The following SEMA7A variants were observed in gnomAD, a reference collection of about 807,000 sequenced individuals.
SEMA7A encodes semaphorin-7A.
In SEMA7A, 21 loss-of-function variants were observed where a neutral mutation model predicts 67.5. The ratio of observed to expected loss-of-function variants is 0.31; its 90% CI spans 0.22 to 0.45. The LOEUF is 0.45. SEMA7A is among the 20% of genes least tolerant of loss of function. The pLI is 1.00. For synonymous variants in SEMA7A, 364 were observed against 368.5 expected (o/e 0.99, Z 0.14); for missense variants, 774 against 908.6 (o/e 0.85, Z 1.90).
rs1289888640 is a variant in SEMA7A at position 74,423,914 on chromosome 15, C to G, written c.179-4962G>C. Among the ~76,000 whole-genome samples the G allele has an allele frequency of 6.6e-6, 1 of 152,204 alleles. No homozygotes were observed. Among genetic ancestry groups the G allele is most frequent in the East Asian group, 1.9e-4 (1 of 5,202 alleles). Reference sequence around the variant, plus strand: ...TGGTTGCAGGTGGGTCCTGGCAACTCTCAGGCAGGGTTAGGTTCTAGATTA... The same window carrying G: ...TGGTTGCAGGTGGGTCCTGGCAACTGTCAGGCAGGGTTAGGTTCTAGATTA... On this transcript the variant is annotated intron_variant, in intron 1 of 13. Transcript: ENST00000261918. The surrounding 1 kb of genome is among the most constrained non-coding windows in gnomAD (Gnocchi z 4.1).
In SEMA7A at chr15:74,414,238, A is replaced by G. The variant is rs1009349776; in HGVS notation, c.1294+309T>C. On this transcript the variant is annotated intron_variant, in intron 10 of 13. Transcript: ENST00000261918. This position sits in a 1 kb window ranked among gnomAD's most constrained non-coding sequence, Gnocchi z 4.1. Reference sequence around the variant, plus strand: ...CTCATTTGCCACGTCTCTTCCTACCATCTTCTTCCCTGAGTCAGACATCTG... The same window carrying G: ...CTCATTTGCCACGTCTCTTCCTACCGTCTTCTTCCCTGAGTCAGACATCTG... Among the ~76,000 whole-genome samples, 1 of 152,050 alleles carries G rather than the reference A, an allele frequency of 6.6e-6. No individual in the cohort carries two copies. Among genetic ancestry groups the G allele is most frequent in the Non-Finnish European group, 1.5e-5 (1 of 67,996 alleles).
chr15:74,421,561 G>A (rs2061000404), intron 1 of SEMA7A, among the ~76,000 whole-genome samples: 1 of 152,190 alleles, frequency 6.6e-6, no homozygotes, highest in Non-Finnish European at 1.5e-5. Flanking sequence ...TCTGTTCTTG[G>A]TGATGCGTAT....
rs956293023 is a variant in SEMA7A at position 74,409,431 on chromosome 15, C to T, written c.*1193G>A. On this transcript the variant is annotated 3_prime_UTR_variant, in exon 14 of 14. Coordinates refer to ENST00000261918, the MANE Select transcript of SEMA7A (RefSeq NM_003612.5). ...CAGCCGGAGAAGGGCCCAGCTCCCC[C>T]CTGAAATGGATGGACAGGGCTGGGG... The T allele has an allele frequency of 2.0e-5, 3 of 152,320 alleles. No homozygotes were observed. Among genetic ancestry groups the T allele is most frequent in the Non-Finnish European group, 4.4e-5 (3 of 68,100 alleles). 9.4% of individuals were successfully genotyped at this position (152,320 alleles called of 1,614,324 possible). A position where few individuals can be genotyped will look rare whatever the true frequency, so the allele number is the denominator to read the frequency against.
chr15:74,418,315 G>A lies in SEMA7A; in HGVS notation c.331-6C>T. 1 of 1,612,334 alleles carries A rather than the reference G, an allele frequency of 6.2e-7. No individual in the cohort carries two copies. The stretch of plus-strand genomic sequence containing the variant: ...TTTGTGGAGCCGATATTCACCTGGG[G>A]GAAGGGGAGAAGCATTAGTTCAATC... On this transcript the variant is annotated splice_polypyrimidine_tract_variant and splice_region_variant and intron_variant, in intron 2 of 13. Transcript: ENST00000261918.
chr15:74,415,415 A>C (rs2060939774), intron 8 of SEMA7A, among the ~76,000 whole-genome samples: 1 of 152,212 alleles, frequency 6.6e-6, no homozygotes, highest in African/African-American at 2.4e-5. Flanking sequence ...AATGAGAGTG[A>C]TTAAGAAGTG....
In SEMA7A at chr15:74,418,982, G is replaced by A. The variant is rs376499487; in HGVS notation, c.179-30C>T. ...GGAGGAGACAATTAGTAGAAACATT[G>A]AAGCCAGGTCCCGAGAGAGAAGACT... On this transcript the variant is annotated intron_variant, in intron 1 of 13. Coordinates refer to ENST00000261918, the MANE Select transcript of SEMA7A (RefSeq NM_003612.5). The A allele has an allele frequency of 1.7e-5, 27 of 1,606,866 alleles. No homozygotes were observed. In the African/African-American group the frequency reaches 3.2e-4, roughly 19 times the overall value.
At chr15:74,415,738 C>T (rs1439859440) in intron 8 of SEMA7A, 63 bp downstream of exon 8, 10 of 1,488,098 alleles carry the variant, frequency 6.7e-6, no homozygotes, top group South Asian at 3.8e-5. Flanking sequence ...GGGCCCAAGG[C>T]CTCCTGTCCC....
chr15:74,415,654 C>T, intron 8 of SEMA7A, 147 bp downstream of exon 8: 2 of 768,320 alleles, frequency 2.6e-6, no homozygotes, highest in East Asian at 2.7e-5. Context: ...TGTCCCCCCA[C>T]CCCACACCCA....
chr15:74,416,761 G>A (rs370149079), intron 6 of SEMA7A, 47 bp from the exon 7 acceptor site: 80 of 1,599,560 alleles, frequency 5.0e-5, no homozygotes, highest in South Asian at 1.9e-4. Flanking sequence ...AAGCTTGCCC[G>A]GGAGACCATC....
At chr15:74,418,158 A>T in intron 3 of SEMA7A, 110 bp downstream of exon 3, 6 of 1,234,776 alleles carry the variant, frequency 4.9e-6, no homozygotes, top group Non-Finnish European at 5.9e-6. Context: ...ACGTCTCCCC[A>T]TCAGTCTGGG....
rs953956956 is a variant in SEMA7A at position 74,423,658 on chromosome 15, C to A, written c.179-4706G>T. 3.9e-5 allele frequency among the ~76,000 whole-genome samples: 6 copies of A among 152,210 alleles called. No individual in the cohort carries two copies. The highest frequency in any genetic ancestry group is 8.8e-5 in the Non-Finnish European group (6 of 68,046). ...GGGAATCACCCGCCCACCCACCTTCCAGGTGAGGCCCTGATCTCCTAGGGG... is the reference window on the plus strand; with the variant it reads ...GGGAATCACCCGCCCACCCACCTTCAAGGTGAGGCCCTGATCTCCTAGGGG... On this transcript the variant is annotated intron_variant, in intron 1 of 13. Coordinates refer to ENST00000261918, the MANE Select transcript of SEMA7A (RefSeq NM_003612.5). The surrounding 1 kb of genome is among the most constrained non-coding windows in gnomAD (Gnocchi z 4.1).
chr15:74,428,932 G>A (rs1404168881), intron 1 of SEMA7A, among the ~76,000 whole-genome samples: 1 of 152,206 alleles, frequency 6.6e-6, no homozygotes, highest in African/African-American at 2.4e-5. Context: ...GGCCCAACAA[G>A]GTGCCGTGGC....
At position 74,411,790 on chromosome 15, in the gene SEMA7A, A is replaced by C; in HGVS notation, c.1423-80T>G. ...AAATGTCCAGGCCCTAAGGCCTAGA[A>C]GCTCTTAAAAGAACACACAAATCAC... On this transcript the variant is annotated intron_variant, in intron 11 of 13. Transcript: ENST00000261918. The surrounding 1 kb of genome is among the most constrained non-coding windows in gnomAD (Gnocchi z 4.4). 6.2e-7 allele frequency: 1 copy of C among 1,602,366 alleles called. No homozygotes were observed. The highest frequency in any genetic ancestry group is 8.5e-7 in the Non-Finnish European group (1 of 1,175,434).
Position 74,417,691 on chromosome 15 carries a change from A to T in SEMA7A, c.466-16T>A. ...TGCCATTCACCTGTGGGAGATCCAG[A>T]GGGTTGGATGGCCACATAATCCCAC... On this transcript the variant is annotated splice_polypyrimidine_tract_variant and intron_variant, in intron 4 of 13. Coordinates refer to ENST00000261918, the MANE Select transcript of SEMA7A (RefSeq NM_003612.5). 1 of 1,603,260 alleles carries T rather than the reference A, an allele frequency of 6.2e-7. No homozygotes were observed. Among genetic ancestry groups the T allele is most frequent in the Non-Finnish European group, 8.5e-7 (1 of 1,174,168 alleles).
intron 1 of SEMA7A, among the ~76,000 whole-genome samples, chr15:74,427,668 C>T (rs1012390131): frequency 6.6e-6 from 1 of 152,162 alleles, no homozygotes; most frequent in Admixed American, 6.5e-5. Flanking sequence ...TCTGCCCCCA[C>T]CCTATGCTCC....
chr15:74,426,528 C>T (rs1233660832), intron 1 of SEMA7A, among the ~76,000 whole-genome samples: 1 of 152,152 alleles, frequency 6.6e-6, no homozygotes, highest in Non-Finnish European at 1.5e-5. Flanking sequence ...AACAGTGGGG[C>T]AGGAATCTTC....
intron 1 of SEMA7A, among the ~76,000 whole-genome samples, chr15:74,426,553 G>A (rs750910262): frequency 6.6e-6 from 1 of 152,186 alleles, no homozygotes; most frequent in Non-Finnish European, 1.5e-5. Flanking sequence ...GGTGCAGCGT[G>A]GGGCCCCGGT....
intron 2 of SEMA7A, 28 bp from the exon 3 acceptor site, chr15:74,418,337 A>C (rs1204970197): frequency 2.5e-6 from 4 of 1,611,158 alleles, no homozygotes; most frequent in Non-Finnish European, 3.4e-6. Flanking sequence ...GCATTAGTTC[A>C]ATCTGCCAGG....
At chr15:74,420,604 T>G (rs1293814287) in intron 1 of SEMA7A, among the ~76,000 whole-genome samples, 1 of 152,118 alleles carries the variant, frequency 6.6e-6, no homozygotes, top group Non-Finnish European at 1.5e-5. Flanking sequence ...TACTGGCACT[T>G]CGGTGGGAGG....
Sources: allele counts gnomAD v4.1 joint callset (sites outside exome capture counted in the v4.1 genomes callset), GRCh38; gene constraint gnomAD v4.1.1; non-coding constraint Gnocchi (gnomAD v3.1); transcripts MANE v1.5; gene names NCBI Gene and HGNC (gene_info 2026-07-23, HGNC 2026-07-21).